The following CCSER1 variants were observed in gnomAD, a reference collection of about 807,000 sequenced individuals.
The protein encoded by CCSER1 is coiled-coil serine rich protein 1, also known as serine-rich coiled-coil domain-containing protein 1.
In CCSER1, 41 loss-of-function variants were observed where a neutral mutation model predicts 82.0. The ratio of observed to expected loss-of-function variants is 0.50; its 90% confidence interval spans 0.39 to 0.65. CCSER1 has a LOEUF of 0.65. Ranked by LOEUF, CCSER1 falls within the 30% of genes least tolerant of loss-of-function variation. The pLI is 0.00. For synonymous variants in CCSER1, 414 were observed against 383.9 expected, an observed-to-expected ratio of 1.08 and a Z score of -0.92; for missense variants, 1,119 against 1,064.2, an observed-to-expected ratio of 1.05 and a Z score of -0.72.
In CCSER1 at chr4:90,723,943, C is replaced by T; in HGVS notation, c.1962C>T (p.Thr654=). ...CAGACATGAGTCCAGCAAGCAGTAC[C>T]ACGTCACTTCCTGTTAGTCCTCTTA... The part of the protein sequence containing the change: ...ESADMSPASS[T]TSLPVSPLTE... The change falls in exon 7 of 11, where the codon ACC becomes ACT. Residue 654 remains threonine, a synonymous_variant. Coordinates refer to ENST00000509176, the MANE Select transcript of CCSER1 (RefSeq NM_001145065.2). The T allele has an allele frequency of 6.3e-7, 1 of 1,583,584 alleles. No homozygotes were observed. Among genetic ancestry groups the T allele is most frequent in the Non-Finnish European group, 8.6e-7 (1 of 1,163,234 alleles).
intron 7 of CCSER1, among the ~76,000 whole-genome samples, chr4:90,779,409 TTTAAAAAA>T (rs1469152161): frequency 1.3e-5 from 2 of 151,284 alleles, no homozygotes; most frequent in Admixed American, 6.6e-5. Context: ...CTCATCATAC[TTTAAAAAA>T]AAAAAATCTG....
intron 10 of CCSER1, among the ~76,000 whole-genome samples, chr4:91,210,708 A>G (rs1736745811): frequency 6.6e-6 from 1 of 151,958 alleles, no homozygotes; most frequent in South Asian, 2.1e-4. Flanking sequence ...ATTGAAGAAG[A>G]TAAAAGACAA....
chr4:90,847,565 A>G (rs754202371), intron 8 of CCSER1, among the ~76,000 whole-genome samples: 7 of 152,094 alleles, frequency 4.6e-5, no homozygotes, highest in Admixed American at 1.3e-4. Flanking sequence ...TTCATCATCT[A>G]TCTAATAACA....
At chr4:91,502,359 T>C (rs1461548789) in intron 10 of CCSER1, among the ~76,000 whole-genome samples, 1 of 152,198 alleles carries the variant, frequency 6.6e-6, no homozygotes, top group Non-Finnish European at 1.5e-5. Context: ...CAATACATAG[T>C]GTAGAGCATG....
At chr4:90,921,304 C>A (rs925019104) in intron 8 of CCSER1, among the ~76,000 whole-genome samples, 1 of 113,144 alleles carries the variant, frequency 8.8e-6, no homozygotes, top group African/African-American at 4.9e-5. Context: ...ATATTTAATT[C>A]TTAATTATTG....
At chr4:90,596,573 G>C (rs1294160433) in intron 5 of CCSER1, among the ~76,000 whole-genome samples, 1 of 151,620 alleles carries the variant, frequency 6.6e-6, no homozygotes, top group Non-Finnish European at 1.5e-5. Flanking sequence ...AACTAGCTTA[G>C]GTACATAGTT....
At chr4:90,589,144 G>C (rs1782391879) in intron 5 of CCSER1, among the ~76,000 whole-genome samples, 1 of 152,006 alleles carries the variant, frequency 6.6e-6, no homozygotes. Flanking sequence ...AAATATATGA[G>C]TCAAAGGGAG....
chr4:90,715,511 G>A (rs955330217), intron 6 of CCSER1, among the ~76,000 whole-genome samples: 13 of 152,008 alleles, frequency 8.6e-5, no homozygotes, highest in African/African-American at 2.9e-4. Flanking sequence ...TCAGAGTAGA[G>A]CTAAGAGCAA....
intron 1 of CCSER1, among the ~76,000 whole-genome samples, chr4:90,260,250 G>A (rs1724079311): frequency 6.6e-6 from 1 of 152,142 alleles, no homozygotes; most frequent in South Asian, 2.1e-4. Flanking sequence ...GTTTGTGCAT[G>A]TAAAGGTGTT....
chr4:91,495,171 T>C (rs1044538948), intron 10 of CCSER1, among the ~76,000 whole-genome samples: 1 of 151,712 alleles, frequency 6.6e-6, no homozygotes, highest in Non-Finnish European at 1.5e-5. Flanking sequence ...CAGATACATA[T>C]AACACTACTT....
At chr4:91,194,790 T>C (rs1215119042) in intron 10 of CCSER1, among the ~76,000 whole-genome samples, 11 of 152,242 alleles carry the variant, frequency 7.2e-5, no homozygotes, top group Admixed American at 7.2e-4. Context: ...TTTCATGATA[T>C]TTGTCAGGAT....
chr4:91,599,178 G>T lies in CCSER1; in HGVS notation c.*121G>T, dbSNP rs1232027564. 4 of 1,250,898 alleles carry T rather than the reference G, an allele frequency of 3.2e-6. No homozygotes were observed. Among genetic ancestry groups the T allele is most frequent in the Non-Finnish European group, 3.2e-6 (3 of 941,866 alleles). The allele number at this position is 1,250,898 out of a possible 1,614,324, so 77.5% of individuals were successfully genotyped here. A position where few individuals can be genotyped will look rare whatever the true frequency, so the allele number is the denominator to read the frequency against. ...TTTTAGTTATAAACAGAGTTGTGTT[G>T]TTGGGTTTTTTTTCTTAGTCATAAA... On this transcript the variant is annotated 3_prime_UTR_variant, in exon 11 of 11. Coordinates refer to ENST00000509176, the MANE Select transcript of CCSER1 (RefSeq NM_001145065.2).
chr4:90,493,970 C>T (rs923494642), intron 5 of CCSER1, among the ~76,000 whole-genome samples: 2 of 151,832 alleles, frequency 1.3e-5, no homozygotes, highest in Admixed American at 1.3e-4. Flanking sequence ...GACAGACTGG[C>T]AATTGGATAA....
intron 4 of CCSER1, among the ~76,000 whole-genome samples, chr4:90,409,384 G>T (rs112166242): frequency 6.6e-6 from 1 of 152,186 alleles, no homozygotes; most frequent in Non-Finnish European, 1.5e-5. Context: ...CAGAGAGAAA[G>T]GTCGGGTTAC....
rs549830699 is a variant in CCSER1, at chr4:90,740,772, G to A, written c.2010+16781G>A. On this transcript the variant is annotated intron_variant, in intron 7 of 10. Coordinates refer to ENST00000509176, the MANE Select transcript of CCSER1 (RefSeq NM_001145065.2). ...GGTGTCTTGGATTTCTCCTGTTTTGGGGTTCTTTAAGTAGTACTGATAGAA... is the reference window on the plus strand; with the variant it reads ...GGTGTCTTGGATTTCTCCTGTTTTGAGGTTCTTTAAGTAGTACTGATAGAA... 2.0e-5 allele frequency among the ~76,000 whole-genome samples: 3 copies of A among 151,700 alleles called. No individual in the cohort carries two copies. The South Asian group carries it at 6.3e-4, about 32-fold the overall frequency.
intron 10 of CCSER1, among the ~76,000 whole-genome samples, chr4:91,244,033 C>G (rs945137496): frequency 1.3e-5 from 2 of 152,184 alleles, no homozygotes; most frequent in African/African-American, 2.4e-5. Flanking sequence ...GGAGAGTCCA[C>G]TGCCCTGAAG....
At position 90,225,231 on chromosome 4, in the gene CCSER1, ATTTTT is replaced by A. The variant is rs57188209; in HGVS notation, c.-41-82992_-41-82988del. ...CGGTGCACACCAGCATACCCGGCTA[ATTTTT>A]TTTTTTTTTTTTTTTTTTTTGTAGA... is the stretch of plus-strand genomic sequence containing the variant. On this transcript the variant is annotated intron_variant, in intron 1 of 10. Coordinates refer to ENST00000509176, the MANE Select transcript of CCSER1 (RefSeq NM_001145065.2). Among the ~76,000 whole-genome samples, 5 of 111,874 alleles carry A rather than the reference ATTTTT, an allele frequency of 4.5e-5. 1 individual carries two copies. The highest frequency in any genetic ancestry group is 1.7e-4 in the African/African-American group (5 of 29,174). The allele number at this position is 111,874 out of a possible 152,430, so 73.4% of individuals were successfully genotyped here. A position where few individuals can be genotyped will look rare whatever the true frequency, so the allele number is the denominator to read the frequency against.
intron 6 of CCSER1, among the ~76,000 whole-genome samples, chr4:90,630,112 C>T (rs1042146414): frequency 6.8e-6 from 1 of 147,788 alleles, no homozygotes; most frequent in Non-Finnish European, 1.5e-5. Context: ...TATTGACTAG[C>T]ACATTACTAT....
At chr4:90,803,471 C>G (rs969856111) in intron 7 of CCSER1, among the ~76,000 whole-genome samples, 3 of 152,088 alleles carry the variant, frequency 2.0e-5, no homozygotes, top group Non-Finnish European at 4.4e-5. Context: ...GTTTGGTTTT[C>G]TGTCCTTGTG....
Sources: gnomAD v4.1 joint callset for allele counts (sites outside exome capture counted in the v4.1 genomes callset) on GRCh38, gnomAD v4.1.1 for gene constraint, MANE v1.5 for transcripts, NCBI Gene and HGNC (gene_info 2026-07-23, HGNC 2026-07-21) for gene names.